The following EFL1 variants were observed in gnomAD, a reference collection of about 807,000 sequenced individuals.
EFL1 encodes the protein elongation factor like GTPase 1, also known as elongation factor-like GTPase 1.
A neutral mutation model predicts 126.7 loss-of-function variants in EFL1; 76 were observed. That is an observed-to-expected ratio of 0.60 (90% CI 0.50 to 0.73). The LOEUF is 0.73. Among genes scored for constraint, EFL1 ranks in the 30% least tolerant of loss-of-function variants. The pLI is 0.00. For missense variants in EFL1, 1,128 were observed against 1,343.2 expected (o/e 0.84, Z 2.50); for synonymous variants, 410 against 448.4 (o/e 0.91, Z 1.08).
At chr15:82,214,564 T>G (rs1244233893) in intron 15 of EFL1, among the ~76,000 whole-genome samples, 153 bp downstream of exon 15, 2 of 152,088 alleles carry the variant, frequency 1.3e-5, no homozygotes, top group African/African-American at 4.8e-5. Flanking sequence ...TCCATGTGAG[T>G]TACTCCAATG....
intron 12 of EFL1, among the ~76,000 whole-genome samples, chr15:82,224,107 A>C (rs1006091727): frequency 1.3e-5 from 2 of 152,208 alleles, no homozygotes; most frequent in Non-Finnish European, 2.9e-5. Context: ...AGAGAAACAG[A>C]AATAAAAATC....
At chr15:82,204,462 G>A (rs377461432) in intron 15 of EFL1, among the ~76,000 whole-genome samples, 1 of 151,912 alleles carries the variant, frequency 6.6e-6, no homozygotes. Context: ...TCAATTTATG[G>A]GCGTAAGAGA....
In EFL1 at chr15:82,228,240, C is replaced by A. The variant is rs1365876074; in HGVS notation, c.1020G>T (p.Gln340His). ...REARHSDPKV[Q>H]INAICSQWLP... is the part of the protein sequence containing the mutation. Reference sequence around the variant, plus strand: ...GCCACTGACTGCAAATGGCGTTGATCTGAACTTTAGGGTCTGAATGTCGTG... The same window carrying A: ...GCCACTGACTGCAAATGGCGTTGATATGAACTTTAGGGTCTGAATGTCGTG... Residue 340 changes from glutamine to histidine, a missense_variant, in exon 10 of 20, where the codon CAG (glutamine) becomes CAT (histidine). By Grantham distance (24) the Gln-to-His change is conservative. Transcript: ENST00000268206. The A allele has an allele frequency of 6.2e-7, 1 of 1,613,900 alleles. No individual in the cohort carries two copies. The highest frequency in any genetic ancestry group is 8.5e-7 in the Non-Finnish European group (1 of 1,179,958).
Position 82,184,528 on chromosome 15 carries a change from A to G in EFL1, c.1751-20544T>C, listed in dbSNP as rs142346534. On this transcript the variant is annotated intron_variant, in intron 15 of 19. Coordinates refer to ENST00000268206, the MANE Select transcript of EFL1 (RefSeq NM_024580.6). ...AACCTGTTCCTTCTACTACCGCATA[A>G]GTCACATTTCACATTAAAGCAGCAC... Among the ~76,000 whole-genome samples the G allele has an allele frequency of 3.7e-4, 56 of 152,338 alleles. 1 individual carries two copies. In the East Asian group the frequency reaches 0.011, roughly 29 times the overall value.
intron 15 of EFL1, among the ~76,000 whole-genome samples, chr15:82,193,039 T>C (rs2074375137): frequency 6.6e-6 from 1 of 152,200 alleles, no homozygotes; most frequent in Admixed American, 6.5e-5. Flanking sequence ...AATAAGCATA[T>C]ATAACTTTTG....
chr15:82,206,602 C>T (rs1287028016), intron 15 of EFL1, among the ~76,000 whole-genome samples: 2 of 152,066 alleles, frequency 1.3e-5, no homozygotes, highest in Non-Finnish European at 2.9e-5. Flanking sequence ...ATAGTAAGCT[C>T]TAACTGATGT....
intron 3 of EFL1, 92 bp downstream of exon 3, chr15:82,258,996 T>C: frequency 8.3e-7 from 1 of 1,206,452 alleles, no homozygotes; most frequent in Non-Finnish European, 1.2e-6. Context: ...TTTTATACCC[T>C]TTTGGATGGC....
chr15:82,160,104 A>T (rs940346676), intron 16 of EFL1: 2 of 152,248 alleles, frequency 1.3e-5, no homozygotes, highest in Admixed American at 1.3e-4. Flanking sequence ...CCAACAGAAC[A>T]CTGTGGAAAG....
intron 7 of EFL1, among the ~76,000 whole-genome samples, chr15:82,236,356 C>T (rs1173612599): frequency 3.3e-5 from 5 of 152,048 alleles, no homozygotes; most frequent in African/African-American, 4.8e-5. Flanking sequence ...CCTTGAACAG[C>T]AAAAGAAATT....
In EFL1 at chr15:82,262,710, C is replaced by A. The variant is rs2141351347; in HGVS notation, c.-116G>T. 1 of 757,746 alleles carries A rather than the reference C, an allele frequency of 1.3e-6. No homozygotes were observed. Among genetic ancestry groups the A allele is most frequent in the East Asian group, 3.2e-5 (1 of 31,192 alleles). 46.9% of individuals were successfully genotyped at this position (757,746 alleles called of 1,614,324 possible). ...GAGAGCTCTGCGGGTCCGACACGCC[C>A]GCGCGCCAGGGGGCGGGGCCGGCTG... On this transcript the variant is annotated 5_prime_UTR_variant, in exon 1 of 20. Transcript: ENST00000268206.
At chr15:82,209,324 C>CAG (rs1882012296) in intron 15 of EFL1, among the ~76,000 whole-genome samples, 1 of 69,614 alleles carries the variant, frequency 1.4e-5, no homozygotes, top group Non-Finnish European at 3.2e-5. Flanking sequence ...CAGACACACA[C>CAG]ACACACACAC....
intron 15 of EFL1, among the ~76,000 whole-genome samples, chr15:82,196,987 G>A (rs2074414955): frequency 6.6e-6 from 1 of 150,530 alleles, no homozygotes; most frequent in Non-Finnish European, 1.5e-5. Flanking sequence ...AGCCGAGATT[G>A]CACCATTGCA....
At chr15:82,130,840 TACAACA>T (rs61308871) in intron 19 of EFL1, among the ~76,000 whole-genome samples, 1 of 150,968 alleles carries the variant, frequency 6.6e-6, no homozygotes, top group Non-Finnish European at 1.5e-5. Context: ...TCTACTAAAA[TACAACA>T]ACAACAACAA....
At chr15:82,232,594 A>G (rs1395225179) in intron 7 of EFL1, among the ~76,000 whole-genome samples, 2 of 152,198 alleles carry the variant, frequency 1.3e-5, no homozygotes, top group Admixed American at 6.5e-5. Flanking sequence ...AATTATCTAT[A>G]TGAAAATGAT....
At chr15:82,208,712 G>A (rs1479497369) in intron 15 of EFL1, among the ~76,000 whole-genome samples, 1 of 151,822 alleles carries the variant, frequency 6.6e-6, no homozygotes, top group African/African-American at 2.4e-5. Context: ...ATCAATTACA[G>A]CAAGGAGAAA....
chr15:82,224,057 A>C lies in EFL1; in HGVS notation c.1292+1108T>G, dbSNP rs577615740. Among the ~76,000 whole-genome samples, 11 of 152,344 alleles carry C rather than the reference A, an allele frequency of 7.2e-5. No individual in the cohort carries two copies. In the South Asian group the frequency reaches 2.1e-3, roughly 29 times the overall value. ...AAGCCTTCTCAGATGGAGGAACAGC[A>C]CAAGTACAGATAGGACATTTGTTCA... On this transcript the variant is annotated intron_variant, in intron 12 of 19. Coordinates refer to ENST00000268206, the MANE Select transcript of EFL1 (RefSeq NM_024580.6).
intron 15 of EFL1, among the ~76,000 whole-genome samples, chr15:82,170,402 C>T (rs560385695): frequency 2.2e-4 from 33 of 152,252 alleles, no homozygotes; most frequent in Non-Finnish European, 4.6e-4. Context: ...GCGTGAGCCA[C>T]CGCGCCCGGC....
chr15:82,135,821 T>G (rs904588435), intron 19 of EFL1, among the ~76,000 whole-genome samples: 1 of 152,170 alleles, frequency 6.6e-6, no homozygotes, highest in Non-Finnish European at 1.5e-5. Context: ...TCCTCATCCC[T>G]ATTCTTATTG....
rs181945811 is a variant in EFL1, at chr15:82,216,730, T to C, written c.1612-1875A>G. Among the ~76,000 whole-genome samples the C allele has an allele frequency of 6.0e-3, 921 of 152,274 alleles. 8 individuals are homozygous for C. Among genetic ancestry groups the C allele is most frequent in the African/African-American group, 0.02 (842 of 41,584 alleles). Reference sequence around the variant, plus strand: ...ACATGAAAAGTAAAATATTAAAATTTAGAAGAAAACATAAGAGAGTTTTGT... The same window carrying C: ...ACATGAAAAGTAAAATATTAAAATTCAGAAGAAAACATAAGAGAGTTTTGT... On this transcript the variant is annotated intron_variant, in intron 14 of 19. Transcript: ENST00000268206.
Sources: allele counts gnomAD v4.1 joint callset (sites outside exome capture counted in the v4.1 genomes callset), GRCh38; gene constraint gnomAD v4.1.1; transcripts MANE v1.5; gene names NCBI Gene and HGNC (gene_info 2026-07-23, HGNC 2026-07-21).